The following PCDH7 variants were observed in gnomAD, a reference collection of about 807,000 sequenced individuals.
PCDH7 encodes protocadherin-7.
Under a neutral mutation model 58.9 loss-of-function variants are expected in PCDH7, and 17 were observed. The ratio of observed to expected loss-of-function variants is 0.29; its 90% CI spans 0.20 to 0.43. The LOEUF is 0.43. Among genes scored for constraint, PCDH7 ranks in the 20% least tolerant of loss-of-function variants. The probability of loss-of-function intolerance (pLI) is 1.00; values close to 1 mark genes in which losing one functional copy is unlikely to be tolerated. For synonymous variants in PCDH7, 664 were observed against 616.4 expected (o/e 1.08, Z -1.14); for missense variants, 1,274 against 1,441.0 (o/e 0.88, Z 1.88).
intron 3 of PCDH7, among the ~76,000 whole-genome samples, chr4:30,962,008 C>A (rs1748480168): frequency 6.6e-6 from 1 of 152,158 alleles, no homozygotes; most frequent in African/African-American, 2.4e-5. Context: ...TGTTGGTAAT[C>A]TACTTCTCCC....
chr4:31,106,014 GAA>G (rs564639877), intron 3 of PCDH7, among the ~76,000 whole-genome samples: 5 of 106,674 alleles, frequency 4.7e-5, no homozygotes, highest in African/African-American at 2.0e-4. Context: ...CTCAAAAAAA[GAA>G]AAAAAAAATA....
intron 3 of PCDH7, among the ~76,000 whole-genome samples, chr4:31,083,022 G>A (rs1340175577): frequency 6.6e-6 from 1 of 152,040 alleles, no homozygotes; most frequent in Non-Finnish European, 1.5e-5. Flanking sequence ...GCAGGAGAAT[G>A]GCGTGAACCT....
intron 1 of PCDH7, among the ~76,000 whole-genome samples, chr4:30,839,800 T>C (rs1055114721): frequency 2.6e-5 from 4 of 152,184 alleles, no homozygotes; most frequent in Non-Finnish European, 4.4e-5. Flanking sequence ...ATGTTATTTG[T>C]AAAGCTTTAA....
intron 2 of PCDH7, among the ~76,000 whole-genome samples, chr4:30,946,867 G>A (rs557424814): frequency 6.6e-6 from 1 of 151,928 alleles, no homozygotes; most frequent in Admixed American, 6.6e-5. Context: ...CCACCACCAT[G>A]CTTGGATAAT....
intron 1 of PCDH7, among the ~76,000 whole-genome samples, chr4:30,828,647 C>T (rs932502727): frequency 6.6e-6 from 1 of 152,018 alleles, no homozygotes; most frequent in African/African-American, 2.4e-5. Context: ...AAACATAAGG[C>T]TGGTTACTAT....
rs748288738 is a variant in PCDH7, at chr4:30,724,676, G to T, written c.3174+80G>T. ...GACAGATTATCTTCTGTAAAGTTTT[G>T]TCTTCTCGTTTTTAAAGTTATTAAA... On this transcript the variant is annotated intron_variant, in intron 1 of 1. Transcript: ENST00000361762. The T allele has an allele frequency of 3.3e-6, 5 of 1,495,676 alleles. No individual in the cohort carries two copies. In the South Asian group the frequency reaches 6.8e-5, roughly 20 times the overall value. 92.7% of individuals were successfully genotyped at this position (1,495,676 alleles called of 1,614,324 possible).
At chr4:30,732,227 C>T (rs1023111013) in exon 2 of PCDH7, 3 of 152,286 alleles carry the variant, frequency 2.0e-5, no homozygotes, top group Non-Finnish European at 4.4e-5. Context: ...CTCAACCTCT[C>T]ATTTTGTTTT....
intron 1 of PCDH7, among the ~76,000 whole-genome samples, chr4:30,762,110 G>T (rs1720106668): frequency 6.6e-6 from 1 of 152,156 alleles, no homozygotes; most frequent in African/African-American, 2.4e-5. Flanking sequence ...TATTAATCCT[G>T]TATGCCACTT....
intron 3 of PCDH7, among the ~76,000 whole-genome samples, chr4:31,117,862 G>A (rs565974660): frequency 6.6e-6 from 1 of 152,262 alleles, no homozygotes; most frequent in East Asian, 1.9e-4. Context: ...ATGAAGGTAG[G>A]TCAGAAGTGT....
At chr4:30,741,471 G>A (rs961489799) in intron 1 of PCDH7, among the ~76,000 whole-genome samples, 10 of 152,156 alleles carry the variant, frequency 6.6e-5, no homozygotes, top group Non-Finnish European at 1.5e-4. Flanking sequence ...TGGTGTTACA[G>A]GCGTGAGCCA....
intron 3 of PCDH7, among the ~76,000 whole-genome samples, chr4:31,020,565 T>C (rs574978278): frequency 6.6e-6 from 1 of 152,282 alleles, no homozygotes; most frequent in South Asian, 2.1e-4. Context: ...TTCTCTGATA[T>C]CCAGTGCTGG....
At chr4:31,131,646 C>T (rs1262865822) in intron 3 of PCDH7, among the ~76,000 whole-genome samples, 7 of 152,132 alleles carry the variant, frequency 4.6e-5, no homozygotes, top group African/African-American at 1.4e-4. Flanking sequence ...TCTCTCAAAT[C>T]ACAATCACTA....
chr4:30,839,871 T>C (rs892157626), intron 1 of PCDH7, among the ~76,000 whole-genome samples: 2 of 152,164 alleles, frequency 1.3e-5, no homozygotes, highest in African/African-American at 4.8e-5. Flanking sequence ...TGCTGACTCA[T>C]GCATGCTAAA....
At chr4:30,966,525 G>A (rs915480279) in intron 3 of PCDH7, among the ~76,000 whole-genome samples, 1 of 152,092 alleles carries the variant, frequency 6.6e-6, no homozygotes, top group African/African-American at 2.4e-5. Context: ...GTGCCTTTGG[G>A]TATGAAAGTA....
rs886727966 is a variant in PCDH7 at position 30,924,208 on chromosome 4, G to A, written c.287+3839G>A. Among the ~76,000 whole-genome samples, 4 of 152,088 alleles carry A rather than the reference G, an allele frequency of 2.6e-5. No homozygotes were observed. The East Asian group carries it at 7.7e-4, about 29-fold the overall frequency. On this transcript the variant is annotated intron_variant, in intron 2 of 3. Transcript: ENST00000509759. ...ATCTTTGCAAAGCCAGTTTGCCTTT[G>A]CTATGTAAGTCTTTATGATAATTAG... is the stretch of plus-strand genomic sequence containing the variant.
chr4:30,947,053 T>C (rs186021225), intron 2 of PCDH7, among the ~76,000 whole-genome samples: 25 of 152,222 alleles, frequency 1.6e-4, no homozygotes, highest in South Asian at 8.3e-4. Context: ...ACTCATTCCT[T>C]GAGGACATGA....
chr4:30,922,702 C>T (rs896311912), intron 2 of PCDH7, among the ~76,000 whole-genome samples: 6 of 152,144 alleles, frequency 3.9e-5, no homozygotes, highest in African/African-American at 7.2e-5. Context: ...GATAATGTAA[C>T]GGATCTTTCC....
chr4:30,837,183 G>A (rs987431785), intron 1 of PCDH7, among the ~76,000 whole-genome samples: 1 of 152,026 alleles, frequency 6.6e-6, no homozygotes, highest in Non-Finnish European at 1.5e-5. Flanking sequence ...ATGCACCAAA[G>A]CACTGGATTA....
At chr4:30,738,745 T>C (rs1448160714) in intron 1 of PCDH7, among the ~76,000 whole-genome samples, 2 of 152,150 alleles carry the variant, frequency 1.3e-5, no homozygotes, top group Non-Finnish European at 2.9e-5. Flanking sequence ...ATTTTCAGCA[T>C]TAAAATGAAA....
Sources: gnomAD v4.1 joint callset for allele counts (sites outside exome capture counted in the v4.1 genomes callset) on GRCh38, gnomAD v4.1.1 for gene constraint, MANE v1.5 for transcripts, NCBI Gene and HGNC (gene_info 2026-07-23, HGNC 2026-07-21) for gene names.